Variants in TMEM39B observed in about 807,000 individuals in gnomAD.
The protein encoded by TMEM39B is transmembrane protein 39B.
In TMEM39B, 23 loss-of-function variants were observed where a neutral mutation model predicts 52.2. The observed-to-expected ratio is 0.44, with a 90% CI of 0.32 to 0.62. The LOEUF (loss-of-function observed/expected upper bound fraction) is 0.62, where lower values mean the gene tolerates loss of function less well. Among genes scored for constraint, TMEM39B ranks in the 20% least tolerant of loss-of-function variants. The pLI is 0.06. For synonymous variants in TMEM39B, 285 were observed against 264.0 expected (o/e 1.08, Z -0.77); for missense variants, 547 against 642.0 (o/e 0.85, Z 1.60).
chr1:32,079,062 T>G (rs1052157308), intron 5 of TMEM39B, among the ~76,000 whole-genome samples: 4 of 151,766 alleles, frequency 2.6e-5, no homozygotes, highest in Non-Finnish European at 5.9e-5. Flanking sequence ...GTCTGTCTCA[T>G]TATTTTATTT....
intron 6 of TMEM39B, among the ~76,000 whole-genome samples, chr1:32,093,813 T>A (rs1167697453): frequency 6.6e-6 from 1 of 151,232 alleles, no homozygotes; most frequent in East Asian, 2.0e-4. Flanking sequence ...TTTTTTTTGT[T>A]TTGTTTTGTT....
At chr1:32,092,116 G>T in intron 6 of TMEM39B, 105 bp downstream of exon 6, 2 of 1,064,498 alleles carry the variant, frequency 1.9e-6, no homozygotes, top group Non-Finnish European at 2.7e-6. Context: ...TTTTTGATGT[G>T]ATTTCCCATC....
chr1:32,101,741 C>T (rs956909434), intron 8 of TMEM39B, among the ~76,000 whole-genome samples: 2 of 152,172 alleles, frequency 1.3e-5, no homozygotes, highest in South Asian at 2.1e-4. Context: ...CATTTCCTAC[C>T]ACTTCTCCTG....
intron 7 of TMEM39B, among the ~76,000 whole-genome samples, chr1:32,099,156 G>A (rs908395094): frequency 1.3e-5 from 2 of 151,702 alleles, no homozygotes; most frequent in African/African-American, 4.8e-5. Flanking sequence ...AGAATCACTT[G>A]AACCCAGGAG....
At chr1:32,094,695 T>G in intron 6 of TMEM39B, 89 bp from the exon 7 acceptor site, 1 of 1,460,540 alleles carries the variant, frequency 6.8e-7, no homozygotes, top group South Asian at 1.2e-5. Flanking sequence ...AGGACTGTCC[T>G]AACCTCTCAG....
At chr1:32,078,100 C>T (rs1364333927) in intron 5 of TMEM39B, among the ~76,000 whole-genome samples, 2 of 152,130 alleles carry the variant, frequency 1.3e-5, no homozygotes, top group African/African-American at 2.4e-5. Context: ...TCAGAGCTGG[C>T]ACCTCCCCCT....
At chr1:32,101,670 C>T (rs1161201551) in intron 8 of TMEM39B, among the ~76,000 whole-genome samples, 1 of 152,150 alleles carries the variant, frequency 6.6e-6, no homozygotes, top group Non-Finnish European at 1.5e-5. Context: ...AGGGACTTGA[C>T]CAAAGTATTG....
Position 32,083,076 on chromosome 1 carries a change from GTTTTTTTTTTTT to G in TMEM39B, c.590+5771_590+5782del, listed in dbSNP as rs763745093. Among the ~76,000 whole-genome samples, 20 of 85,878 alleles carry G rather than the reference GTTTTTTTTTTTT, an allele frequency of 2.3e-4. No homozygotes were observed. In the Admixed American group the frequency reaches 2.6e-3, roughly 11 times the overall value. The allele number at this position is 85,878 out of a possible 152,430, so 56.3% of individuals were successfully genotyped here. A position where few individuals can be genotyped will look rare whatever the true frequency, so the allele number is the denominator to read the frequency against. On this transcript the variant is annotated intron_variant, in intron 5 of 8. Transcript: ENST00000336294. ...AGCGTGAGCCACCGCGCCCAGCCTG[GTTTTTTTTTTTT>G]TTTTTTTTTTTTGAGACGGAGTTTT...
chr1:32,093,986 T>A (rs1640712054), intron 6 of TMEM39B, among the ~76,000 whole-genome samples: 1 of 128,584 alleles, frequency 7.8e-6, no homozygotes. Flanking sequence ...GCCCGGCTAA[T>A]TTTTTGTATT....
intron 5 of TMEM39B, among the ~76,000 whole-genome samples, chr1:32,082,169 A>AC (rs1640125170): frequency 6.6e-6 from 1 of 152,026 alleles, no homozygotes; most frequent in East Asian, 1.9e-4. Flanking sequence ...AATATTAGGC[A>AC]CCCTATCCAA....
At chr1:32,089,529 C>G (rs1640516440) in intron 5 of TMEM39B, among the ~76,000 whole-genome samples, 1 of 151,858 alleles carries the variant, frequency 6.6e-6, no homozygotes, top group Non-Finnish European at 1.5e-5. Flanking sequence ...TATAATTGAC[C>G]ACAATTATGG....
chr1:32,095,240 C>T (rs1280378601), intron 7 of TMEM39B, among the ~76,000 whole-genome samples: 2 of 152,180 alleles, frequency 1.3e-5, no homozygotes, highest in Non-Finnish European at 2.9e-5. Flanking sequence ...TGTTTATTCA[C>T]TCATTGCCTT....
chr1:32,074,843 G>T lies in TMEM39B; in HGVS notation c.5-108G>T. On this transcript the variant is annotated intron_variant, in intron 1 of 8. Transcript: ENST00000336294. The stretch of plus-strand genomic sequence containing the variant: ...GGGCCAGATCATAGGTCTCAGTGAG[G>T]ATTAAATGATAAAGTGAGATACTAG... 8.2e-6 allele frequency: 11 copies of T among 1,340,878 alleles called. 1 individual carries two copies. The South Asian group carries it at 1.6e-4, about 20-fold the overall frequency. 83.1% of individuals were successfully genotyped at this position (1,340,878 alleles called of 1,614,324 possible).
intron 7 of TMEM39B, among the ~76,000 whole-genome samples, chr1:32,099,910 G>A (rs1640954000): frequency 6.6e-6 from 1 of 152,162 alleles, no homozygotes; most frequent in Admixed American, 6.6e-5. Context: ...AGCTGGGCAT[G>A]GTGGCAGATG....
In TMEM39B at chr1:32,084,715, A is replaced by ATG. The variant is rs1463234679; in HGVS notation, c.591-6960_591-6959insTG. Among the ~76,000 whole-genome samples the ATG allele has an allele frequency of 1.2e-4, 18 of 152,050 alleles. No individual in the cohort carries two copies. The East Asian group carries it at 3.5e-3, about 29-fold the overall frequency. Reference sequence around the variant, plus strand: ...CTCCTGAGTAGCTGGGATTACAGGCACGCCACCATGCCCAGCTAATTTTTG... The same window carrying ATG: ...CTCCTGAGTAGCTGGGATTACAGGCATGCGCCACCATGCCCAGCTAATTTTTG... On this transcript the variant is annotated intron_variant, in intron 5 of 8. Transcript: ENST00000336294.
intron 5 of TMEM39B, among the ~76,000 whole-genome samples, chr1:32,091,098 C>T (rs561967740): frequency 1.3e-5 from 2 of 152,124 alleles, no homozygotes; most frequent in Non-Finnish European, 2.9e-5. Flanking sequence ...TCTGTGTACA[C>T]TTTTAACTAA....
intron 1 of TMEM39B, chr1:32,073,850 G>C (rs1187533778): frequency 5.1e-6 from 5 of 985,338 alleles, no homozygotes; most frequent in South Asian, 4.7e-5. Flanking sequence ...TGTGAATGGA[G>C]GCTGCTGTGT....
At chr1:32,093,612 A>C (rs927958421) in intron 6 of TMEM39B, among the ~76,000 whole-genome samples, 1 of 149,740 alleles carries the variant, frequency 6.7e-6, no homozygotes, top group African/African-American at 2.5e-5. Context: ...GGGTTTCGCT[A>C]TATTGGCCAG....
intron 5 of TMEM39B, among the ~76,000 whole-genome samples, chr1:32,083,085 T>C (rs1640181347): frequency 6.8e-6 from 1 of 146,372 alleles, no homozygotes; most frequent in Non-Finnish European, 1.5e-5. Context: ...GGTTTTTTTT[T>C]TTTTTTTTTT....
Sources: allele counts gnomAD v4.1 joint callset (sites outside exome capture counted in the v4.1 genomes callset), GRCh38; gene constraint gnomAD v4.1.1; transcripts MANE v1.5; gene names NCBI Gene and HGNC (gene_info 2026-07-23, HGNC 2026-07-21).